The following RHEB variants were observed in gnomAD, a reference collection of about 807,000 sequenced individuals.
RHEB encodes Ras homolog, mTORC1 binding, also known as GTP-binding protein Rheb.
In RHEB, 2 loss-of-function variants were observed where a neutral mutation model predicts 28.8. The observed-to-expected ratio is 0.07, with a 90% CI of 0.03 to 0.22. RHEB has a LOEUF of 0.22. Among genes scored for constraint, RHEB ranks in the 10% least tolerant of loss-of-function variants. RHEB has a pLI of 1.00. For missense variants in RHEB, 76 were observed against 219.9 expected (o/e 0.35, Z 4.14); for synonymous variants, 69 against 77.3 (o/e 0.89, Z 0.56).
chr7:151,471,247 C>A, intron 6 of RHEB, 147 bp downstream of exon 6: 1 of 603,538 alleles, frequency 1.7e-6, no homozygotes, highest in Non-Finnish European at 2.9e-6. Context: ...ATTTCTATTC[C>A]ACTTTTGCTT....
rs189480139 is a variant in RHEB, at chr7:151,492,674, G to C, written c.53-1660C>G. Reference sequence around the variant, plus strand: ...GCTGAGAAGGAAAGGCCACAAGTTGGTAGACCTATTTACTCCTTATCCGCA... The same window carrying C: ...GCTGAGAAGGAAAGGCCACAAGTTGCTAGACCTATTTACTCCTTATCCGCA... On this transcript the variant is annotated intron_variant, in intron 1 of 7. Coordinates refer to ENST00000262187, the MANE Select transcript of RHEB (RefSeq NM_005614.4). Among the ~76,000 whole-genome samples the C allele has an allele frequency of 3.0e-3, 453 of 151,802 alleles. 2 individuals carry two copies. Among genetic ancestry groups the C allele is most frequent in the Non-Finnish European group, 5.3e-3 (357 of 67,948 alleles).
At chr7:151,517,082 G>T (rs1213892789) in intron 1 of RHEB, among the ~76,000 whole-genome samples, 1 of 152,074 alleles carries the variant, frequency 6.6e-6, no homozygotes, top group Non-Finnish European at 1.5e-5. Context: ...AATCAAATGC[G>T]GCTGGGCATG....
chr7:151,511,623 A>G (rs181191040), intron 1 of RHEB, among the ~76,000 whole-genome samples: 3 of 152,090 alleles, frequency 2.0e-5, no homozygotes, highest in Non-Finnish European at 4.4e-5. Flanking sequence ...GAAAATTAAA[A>G]TACTAAAATA....
At chr7:151,467,646 T>A (rs896595501) in intron 7 of RHEB, among the ~76,000 whole-genome samples, 1 of 152,066 alleles carries the variant, frequency 6.6e-6, no homozygotes, top group African/African-American at 2.4e-5. Context: ...AGGCCTGAAG[T>A]GGGGAAGGCA....
intron 1 of RHEB, among the ~76,000 whole-genome samples, chr7:151,516,274 T>C (rs1438221650): frequency 6.6e-6 from 1 of 151,968 alleles, no homozygotes; most frequent in African/African-American, 2.4e-5. Context: ...GAGAATTATA[T>C]TTTACCTATT....
At chr7:151,512,062 T>C (rs1406183186) in intron 1 of RHEB, among the ~76,000 whole-genome samples, 3 of 152,232 alleles carry the variant, frequency 2.0e-5, no homozygotes, top group Admixed American at 1.3e-4. Flanking sequence ...ACTGTATCAA[T>C]GTTAAGATTT....
At chr7:151,503,052 G>A (rs1020904649) in intron 1 of RHEB, 12 of 790,318 alleles carry the variant, frequency 1.5e-5, no homozygotes, top group African/African-American at 3.4e-5. Context: ...CAGGACACGC[G>A]AAAGTACTGT....
At chr7:151,484,119 C>T (rs1163448556) in intron 3 of RHEB, among the ~76,000 whole-genome samples, 2 of 152,134 alleles carry the variant, frequency 1.3e-5, no homozygotes, top group Non-Finnish European at 2.9e-5. Context: ...AGCCTGGACT[C>T]CAGTCAAACT....
chr7:151,480,077 TGCTGGTGAGGGTG>T lies in RHEB; in HGVS notation c.193-2675_193-2663del, dbSNP rs1802355386. On this transcript the variant is annotated intron_variant, in intron 3 of 7. Coordinates refer to ENST00000262187, the MANE Select transcript of RHEB (RefSeq NM_005614.4). Reference sequence around the variant, plus strand: ...TACCAAAACGTTTGCTAACACATAGTGCTGGTGAGGGTGTAGGGAAATAGACACTCTCATTCAC... The same window carrying T: ...TACCAAAACGTTTGCTAACACATAGTTAGGGAAATAGACACTCTCATTCAC... Among the ~76,000 whole-genome samples, 7 of 152,220 alleles carry T rather than the reference TGCTGGTGAGGGTG, an allele frequency of 4.6e-5. No homozygotes were observed. In the South Asian group the frequency reaches 1.4e-3, roughly 32 times the overall value.
Position 151,468,018 on chromosome 7 carries a change from C to T in RHEB, c.463-807G>A, listed in dbSNP as rs1802096826. Reference sequence around the variant, plus strand: ...CAACAGGCCTGAGCCACCGTGACTCCCAGACCCTGTCCTTGAAATGCAGTC... The same window carrying T: ...CAACAGGCCTGAGCCACCGTGACTCTCAGACCCTGTCCTTGAAATGCAGTC... On this transcript the variant is annotated intron_variant, in intron 7 of 7. Coordinates refer to ENST00000262187, the MANE Select transcript of RHEB (RefSeq NM_005614.4). The surrounding 1 kb of genome is among the most constrained non-coding windows in gnomAD (Gnocchi z 4.3). 6.6e-6 allele frequency among the ~76,000 whole-genome samples: 1 copy of T among 152,136 alleles called. No homozygotes were observed. The highest frequency in any genetic ancestry group is 2.1e-4 in the South Asian group (1 of 4,816).
intron 3 of RHEB, among the ~76,000 whole-genome samples, chr7:151,479,551 CGG>C: frequency 6.6e-6 from 1 of 151,802 alleles, no homozygotes; most frequent in Non-Finnish European, 1.5e-5. Flanking sequence ...GGCGTGGTGG[CGG>C]GCGCCTGTAG....
At chr7:151,496,718 A>G (rs1802678292) in intron 1 of RHEB, among the ~76,000 whole-genome samples, 1 of 152,174 alleles carries the variant, frequency 6.6e-6, no homozygotes, top group African/African-American at 2.4e-5. Context: ...CTCTTTTGTA[A>G]GAAGTCTCCA....
intron 1 of RHEB, among the ~76,000 whole-genome samples, chr7:151,492,923 CT>C (rs1802609999): frequency 6.7e-6 from 1 of 150,168 alleles, no homozygotes. Flanking sequence ...ACTGCAACCT[CT>C]GCCTCCCGGG....
intron 1 of RHEB, among the ~76,000 whole-genome samples, chr7:151,497,625 G>A (rs576065352): frequency 2.6e-5 from 4 of 152,248 alleles, no homozygotes; most frequent in East Asian, 1.9e-4. Flanking sequence ...CCCGATCGCC[G>A]CTATCCTCTA....
chr7:151,488,746 T>C (rs1371391348), intron 2 of RHEB, among the ~76,000 whole-genome samples: 1 of 152,242 alleles, frequency 6.6e-6, no homozygotes, highest in Non-Finnish European at 1.5e-5. Flanking sequence ...GTCTTCATTA[T>C]TGAACTGTAA....
chr7:151,469,010 C>T (rs1802113337), intron 7 of RHEB, among the ~76,000 whole-genome samples: 1 of 152,196 alleles, frequency 6.6e-6, no homozygotes, highest in Non-Finnish European at 1.5e-5. Context: ...GGATACAGTC[C>T]ATAGGCACTC....
In RHEB at chr7:151,472,303, G is replaced by A. The variant is rs150949631; in HGVS notation, c.276-698C>T. On this transcript the variant is annotated intron_variant, in intron 4 of 7. Transcript: ENST00000262187. The surrounding 1 kb of genome is among the most constrained non-coding windows in gnomAD (Gnocchi z 5.2). ...TGCTGCCGCTGAGGTGTGAATTCCTGGCCCAAGTCTGCCTGCATCAGTTCC... is the reference window on the plus strand; with the variant it reads ...TGCTGCCGCTGAGGTGTGAATTCCTAGCCCAAGTCTGCCTGCATCAGTTCC... Among the ~76,000 whole-genome samples the A allele has an allele frequency of 5.9e-4, 90 of 152,230 alleles. 1 individual carries two copies. Among genetic ancestry groups the A allele is most frequent in the Middle Eastern group, 3.4e-3 (1 of 294 alleles).
rs576881442 is a variant in RHEB, at chr7:151,503,053, A to G, written c.53-12039T>C. On this transcript the variant is annotated intron_variant, in intron 1 of 7. Coordinates refer to ENST00000262187, the MANE Select transcript of RHEB (RefSeq NM_005614.4). ...TTGATGAAATCACCCAGGACACGCG[A>G]AAGTACTGTTTTGGCGTTGAAGATA... 2.8e-5 allele frequency: 22 copies of G among 791,052 alleles called. No individual in the cohort carries two copies. In the East Asian group the frequency reaches 5.3e-4, roughly 19 times the overall value. 49.0% of individuals were successfully genotyped at this position (791,052 alleles called of 1,614,324 possible).
intron 1 of RHEB, among the ~76,000 whole-genome samples, chr7:151,510,535 CAG>C (rs1802963246): frequency 2.0e-5 from 3 of 152,226 alleles, no homozygotes; most frequent in African/African-American, 7.2e-5. Context: ...TTATTATTCT[CAG>C]TAGCAGGAAC....
Sources: gnomAD v4.1 joint callset for allele counts (sites outside exome capture counted in the v4.1 genomes callset) on GRCh38, gnomAD v4.1.1 for gene constraint, Gnocchi (gnomAD v3.1) non-coding constraint, MANE v1.5 for transcripts, NCBI Gene and HGNC (gene_info 2026-07-23, HGNC 2026-07-21) for gene names.